The following ADAMTS6 variants were observed in gnomAD, a reference collection of about 807,000 sequenced individuals.
ADAMTS6 encodes the protein A disintegrin and metalloproteinase with thrombospondin motifs 6.
In ADAMTS6, 23 loss-of-function variants were observed where a neutral mutation model predicts 144.3. That is an observed-to-expected ratio of 0.16 (90% CI 0.11 to 0.23). The LOEUF is 0.23. Among genes scored for constraint, ADAMTS6 ranks in the 10% least tolerant of loss-of-function variants. The pLI, the probability that ADAMTS6 is intolerant of heterozygous loss-of-function variation, is 1.00. For missense variants in ADAMTS6, 999 were observed against 1,379.6 expected (o/e 0.72, Z 4.37); for synonymous variants, 444 against 457.5 (o/e 0.97, Z 0.38).
chr5:65,373,101 C>T (rs1404294839), intron 7 of ADAMTS6, among the ~76,000 whole-genome samples: 2 of 151,728 alleles, frequency 1.3e-5, no homozygotes, highest in Non-Finnish European at 1.5e-5. Flanking sequence ...GGGACGTATT[C>T]AAAGCAGTGT....
At chr5:65,180,250 A>T (rs10053844) in intron 22 of ADAMTS6, among the ~76,000 whole-genome samples, 67,262 of 152,046 alleles carry the variant, frequency 0.44, 16,540 homozygotes, top group Non-Finnish European at 0.55. Context: ...ACTCTTTATC[A>T]CAATGAATAT....
chr5:65,433,375 G>C (rs1456495170), intron 7 of ADAMTS6, among the ~76,000 whole-genome samples: 1 of 152,046 alleles, frequency 6.6e-6, no homozygotes, highest in Non-Finnish European at 1.5e-5. Flanking sequence ...TTGGTGTTCA[G>C]CCCCAAATAC....
chr5:65,254,377 A>C (rs1006610998), intron 14 of ADAMTS6, among the ~76,000 whole-genome samples: 2 of 152,238 alleles, frequency 1.3e-5, no homozygotes, highest in Non-Finnish European at 2.9e-5. Context: ...GCATTAAAAC[A>C]AAAAGAAAAA....
At chr5:65,401,737 T>C (rs891050028) in intron 7 of ADAMTS6, among the ~76,000 whole-genome samples, 1 of 152,222 alleles carries the variant, frequency 6.6e-6, no homozygotes, top group Non-Finnish European at 1.5e-5. Context: ...CTGTTTGTCC[T>C]GTGATCTCAC....
chr5:65,250,258 T>C (rs370880718), intron 14 of ADAMTS6, among the ~76,000 whole-genome samples: 4 of 152,178 alleles, frequency 2.6e-5, no homozygotes, highest in African/African-American at 9.6e-5. Context: ...TATATAAGAG[T>C]CAACAGAAAT....
At chr5:65,239,997 C>T (rs1759033341) in intron 15 of ADAMTS6, among the ~76,000 whole-genome samples, 1 of 152,100 alleles carries the variant, frequency 6.6e-6, no homozygotes. Context: ...AATTCTACTC[C>T]TAAGTATTTA....
intron 18 of ADAMTS6, among the ~76,000 whole-genome samples, chr5:65,219,948 A>G (rs1394784293): frequency 6.6e-6 from 1 of 152,224 alleles, no homozygotes; most frequent in Non-Finnish European, 1.5e-5. Context: ...TCTTTCAGTA[A>G]TTCTTCAACA....
chr5:65,221,593 G>T (rs191383685), intron 18 of ADAMTS6, among the ~76,000 whole-genome samples: 94 of 152,196 alleles, frequency 6.2e-4, no homozygotes, highest in South Asian at 4.6e-3. Context: ...AAAACAAAAG[G>T]CTGCCTAGTC....
At chr5:65,245,115 T>C (rs1759515939) in intron 14 of ADAMTS6, among the ~76,000 whole-genome samples, 1 of 152,152 alleles carries the variant, frequency 6.6e-6, no homozygotes, top group Non-Finnish European at 1.5e-5. Context: ...ACAAACTGTT[T>C]AGCTCTGTAC....
intron 7 of ADAMTS6, among the ~76,000 whole-genome samples, chr5:65,354,857 G>C (rs1411945242): frequency 6.6e-6 from 1 of 151,668 alleles, no homozygotes; most frequent in Non-Finnish European, 1.5e-5. Flanking sequence ...TCTTCAACAA[G>C]GTTTTCCTTG....
chr5:65,341,199 T>C (rs972528870), intron 7 of ADAMTS6, among the ~76,000 whole-genome samples: 1 of 151,832 alleles, frequency 6.6e-6, no homozygotes, highest in Non-Finnish European at 1.5e-5. Context: ...CTATAGGACA[T>C]AGCAAAAGCA....
intron 14 of ADAMTS6, among the ~76,000 whole-genome samples, chr5:65,250,561 A>G (rs559014067): frequency 5.3e-4 from 81 of 152,336 alleles, no homozygotes; most frequent in Middle Eastern, 3.4e-3. Context: ...CAGACCACAG[A>G]TGACCTGGAA....
rs1580127035 is a variant in ADAMTS6 at position 65,230,557 on chromosome 5, T to TATATATAATACATGATATATATGAA, written c.1934-4363_1934-4339dup. Among the ~76,000 whole-genome samples the TATATATAATACATGATATATATGAA allele has an allele frequency of 4.1e-5, 4 of 98,544 alleles. 1 individual carries two copies. Among genetic ancestry groups the TATATATAATACATGATATATATGAA allele is most frequent in the African/African-American group, 5.3e-5 (1 of 19,022 alleles). The allele number at this position is 98,544 out of a possible 152,430, so 64.6% of individuals were successfully genotyped here. A position where few individuals can be genotyped will look rare whatever the true frequency, so the allele number is the denominator to read the frequency against. ...TATATAATACATGATATATATGAAA[T>TATATATAATACATGATATATATGAA]ATATATAATACATGATATATATGAA... On this transcript the variant is annotated intron_variant, in intron 15 of 24. Coordinates refer to ENST00000381055, the MANE Select transcript of ADAMTS6 (RefSeq NM_197941.4).
At chr5:65,388,026 C>A (rs920575138) in intron 7 of ADAMTS6, among the ~76,000 whole-genome samples, 1 of 98 alleles carries the variant, frequency 0.01, no homozygotes, top group African/African-American at 0.031. Flanking sequence ...GCCTGGCCAA[C>A]GTGGCAAAAC....
At chr5:65,324,828 A>G (rs906545132) in intron 9 of ADAMTS6, among the ~76,000 whole-genome samples, 1 of 152,192 alleles carries the variant, frequency 6.6e-6, no homozygotes, top group East Asian at 1.9e-4. Context: ...TACCAACCGT[A>G]TCATCCAAGA....
chr5:65,283,749 C>T (rs1763161275), intron 11 of ADAMTS6, among the ~76,000 whole-genome samples: 1 of 152,056 alleles, frequency 6.6e-6, no homozygotes, highest in South Asian at 2.1e-4. Context: ...TATAATCTTT[C>T]TCAGTTTAAC....
At chr5:65,359,427 T>C (rs752698057) in intron 7 of ADAMTS6, among the ~76,000 whole-genome samples, 50 of 152,242 alleles carry the variant, frequency 3.3e-4, no homozygotes, top group Admixed American at 4.6e-4. Context: ...ACAGAGGATG[T>C]AGAGAAAGGG....
intron 7 of ADAMTS6, among the ~76,000 whole-genome samples, chr5:65,441,218 G>C (rs970563981): frequency 6.6e-6 from 1 of 152,042 alleles, no homozygotes; most frequent in African/African-American, 2.4e-5. Flanking sequence ...TATTAGACCA[G>C]ACTGATGGAT....
intron 3 of ADAMTS6, among the ~76,000 whole-genome samples, chr5:65,469,107 T>TA (rs2150280902): frequency 6.6e-6 from 1 of 152,334 alleles, no homozygotes; most frequent in East Asian, 1.9e-4. Flanking sequence ...TTCAATTTTT[T>TA]AAAATATTAT....
Sources: gnomAD v4.1 joint callset for allele counts (sites outside exome capture counted in the v4.1 genomes callset) on GRCh38, gnomAD v4.1.1 for gene constraint, MANE v1.5 for transcripts, NCBI Gene and HGNC (gene_info 2026-07-23, HGNC 2026-07-21) for gene names.